The following TUBGCP5 variants were observed in gnomAD, a reference collection of about 807,000 sequenced individuals.
The protein encoded by TUBGCP5 is tubulin gamma complex component 5.
In TUBGCP5, 98 loss-of-function variants were observed where a neutral mutation model predicts 134.7. The ratio of observed to expected loss-of-function variants is 0.73; its 90% CI spans 0.62 to 0.86. TUBGCP5 has a LOEUF of 0.86. Ranked by LOEUF, TUBGCP5 falls within the 40% of genes least tolerant of loss-of-function variation. TUBGCP5 has a pLI of 0.00. For missense variants in TUBGCP5, 1,150 were observed against 1,244.8 expected (o/e 0.92, Z 1.15); for synonymous variants, 456 against 431.4 (o/e 1.06, Z -0.71).
chr15:23,026,120 G>C lies in TUBGCP5; in HGVS notation c.823C>G (p.Leu275Val), dbSNP rs1238603479. The change falls in exon 8 of 23, where the codon CTA becomes GTA. Residue 275 changes from leucine (L) to valine (V), a missense_variant. Physicochemically the swap from Leu to Val is conservative, Grantham distance 32 (BLOSUM62 1). Coordinates refer to ENST00000615383, the MANE Select transcript of TUBGCP5 (RefSeq NM_052903.6). ...AATTAAATGAACATTTCTTACCATAGGGTTTCCCGAATAACCTGAGTCTCA... is the reference window on the plus strand; with the variant it reads ...AATTAAATGAACATTTCTTACCATACGGTTTCCCGAATAACCTGAGTCTCA... The part of the protein sequence containing the change: ...VTETQVIRET[L>V]WLLSGVKKLF... 1.9e-6 allele frequency: 3 copies of C among 1,605,932 alleles called. No individual in the cohort carries two copies. Among genetic ancestry groups the C allele is most frequent in the African/African-American group, 2.7e-5 (2 of 74,444 alleles).
intron 21 of TUBGCP5, among the ~76,000 whole-genome samples, chr15:23,000,919 G>A (rs959333021): frequency 3.3e-5 from 5 of 152,080 alleles, no homozygotes; most frequent in African/African-American, 1.2e-4. Flanking sequence ...CTGGAACTAG[G>A]AGGACCAAAG....
chr15:23,032,431 A>T (rs1555445310), intron 4 of TUBGCP5, among the ~76,000 whole-genome samples: 4 of 152,158 alleles, frequency 2.6e-5, no homozygotes, highest in Non-Finnish European at 5.9e-5. Context: ...ATATCATGTA[A>T]ATGCTATGTA....
At chr15:23,037,976 G>A (rs2066693625) in intron 1 of TUBGCP5, among the ~76,000 whole-genome samples, 1 of 152,168 alleles carries the variant, frequency 6.6e-6, no homozygotes, top group Non-Finnish European at 1.5e-5. Flanking sequence ...GTGTTAGCCA[G>A]GATAGTCTCG....
chr15:23,038,996 G>A (rs756103393), intron 1 of TUBGCP5, among the ~76,000 whole-genome samples: 3 of 151,842 alleles, frequency 2.0e-5, no homozygotes, highest in Non-Finnish European at 4.4e-5. Context: ...GGCTGACCAG[G>A]GAGCAGGAGT....
At chr15:23,003,959 ATTTG>A in intron 20 of TUBGCP5, 139 bp downstream of exon 20, 1 of 1,115,462 alleles carries the variant, frequency 9.0e-7, no homozygotes, top group Non-Finnish European at 1.2e-6. Context: ...GGCCTGGGGC[ATTTG>A]TTTGTAACCT....
downstream of TUBGCP5, among the ~76,000 whole-genome samples, chr15:22,998,165 A>G (rs1324599114): frequency 6.6e-6 from 1 of 151,848 alleles, no homozygotes; most frequent in African/African-American, 2.4e-5. Context: ...AAATACAAAA[A>G]TTAGCTGGGC....
intron 22 of TUBGCP5, 67 bp from the exon 23 acceptor site, chr15:22,999,933 G>A (rs2064272937): frequency 6.9e-7 from 1 of 1,450,816 alleles, no homozygotes; most frequent in Admixed American, 1.7e-5. Flanking sequence ...TTTTTTTGAA[G>A]ACGGAGTCCC....
chr15:23,018,837 T>C (rs2065490441), intron 12 of TUBGCP5, among the ~76,000 whole-genome samples: 1 of 152,144 alleles, frequency 6.6e-6, no homozygotes, highest in Non-Finnish European at 1.5e-5. Context: ...ATAAATATAT[T>C]AGAGGCATAC....
At position 23,031,803 on chromosome 15, in the gene TUBGCP5, A is replaced by G. The variant is rs548386786; in HGVS notation, c.486+147T>C. 8 of 502,444 alleles carry G rather than the reference A, an allele frequency of 1.6e-5. 1 individual carries two copies. The South Asian group carries it at 3.7e-4, about 23-fold the overall frequency. The allele number at this position is 502,444 out of a possible 1,614,324, so 31.1% of individuals were successfully genotyped here. Reference sequence around the variant, plus strand: ...CACTAATGATTTGGTGCGAAATCCTAATCAGTCTTCCATAATAAATGACTC... The same window carrying G: ...CACTAATGATTTGGTGCGAAATCCTGATCAGTCTTCCATAATAAATGACTC... On this transcript the variant is annotated intron_variant, in intron 5 of 22. Coordinates refer to ENST00000615383, the MANE Select transcript of TUBGCP5 (RefSeq NM_052903.6).
chr15:23,010,427 C>T (rs1345553421), intron 14 of TUBGCP5, among the ~76,000 whole-genome samples: 1 of 152,156 alleles, frequency 6.6e-6, no homozygotes, highest in African/African-American at 2.4e-5. Context: ...CTCTAATGGA[C>T]TAAGTGCCTA....
intron 3 of TUBGCP5, among the ~76,000 whole-genome samples, chr15:23,035,237 G>C (rs981040331): frequency 6.6e-6 from 1 of 150,962 alleles, no homozygotes; most frequent in Non-Finnish European, 1.5e-5. Context: ...GCTGAGGCAG[G>C]AGAATCACTT....
intron 23 of TUBGCP5, among the ~76,000 whole-genome samples, chr15:22,985,897 G>T (rs2063662549): frequency 6.6e-6 from 1 of 151,432 alleles, no homozygotes; most frequent in Non-Finnish European, 1.5e-5. Flanking sequence ...ACTTTGGAAG[G>T]CCGAGATGGG....
chr15:23,001,591 C>T (rs2064381453), intron 21 of TUBGCP5, among the ~76,000 whole-genome samples: 1 of 152,080 alleles, frequency 6.6e-6, no homozygotes, highest in Non-Finnish European at 1.5e-5. Flanking sequence ...GATCCGCCCA[C>T]CTCAGCCTCT....
chr15:23,016,986 A>ATATATATATATATATGTG (rs373904143), intron 13 of TUBGCP5, among the ~76,000 whole-genome samples: 1 of 138,288 alleles, frequency 7.2e-6, no homozygotes, highest in Admixed American at 7.0e-5. Flanking sequence ...ATATATATAT[A>ATATATATATATATATGTG]TGTATATATC....
At chr15:23,005,970 T>G in intron 18 of TUBGCP5, 82 bp downstream of exon 18, 1 of 1,404,130 alleles carries the variant, frequency 7.1e-7, no homozygotes. Context: ...GATCCCCGTA[T>G]GCTTCCCTTT....
intron 3 of TUBGCP5, among the ~76,000 whole-genome samples, chr15:23,035,947 AG>A (rs2066564797): frequency 6.6e-6 from 1 of 152,222 alleles, no homozygotes; most frequent in Non-Finnish European, 1.5e-5. Context: ...GAGACAAGAA[AG>A]GAACTATAAA....
rs541592830 is a variant in TUBGCP5 at position 23,036,240 on chromosome 15, G to A, written c.309+657C>T. Among the ~76,000 whole-genome samples, 56 of 152,256 alleles carry A rather than the reference G, an allele frequency of 3.7e-4. No homozygotes were observed. In the South Asian group the frequency reaches 5.2e-3, roughly 14 times the overall value. On this transcript the variant is annotated intron_variant, in intron 3 of 22. Transcript: ENST00000615383. Reference sequence around the variant, plus strand: ...CCCCAATAAAAATGCTGGTCACCAAGGCTCAGCCGAGTGGCCCTGGGGGGA... The same window carrying A: ...CCCCAATAAAAATGCTGGTCACCAAAGCTCAGCCGAGTGGCCCTGGGGGGA...
At chr15:23,011,056 G>A (rs901415581) in intron 14 of TUBGCP5, 77 bp downstream of exon 14, 2 of 1,457,746 alleles carry the variant, frequency 1.4e-6, no homozygotes, top group East Asian at 2.3e-5. Flanking sequence ...AGCCCTACCT[G>A]CCAGAAATAA....
At chr15:23,003,363 G>A (rs988396328) in intron 20 of TUBGCP5, among the ~76,000 whole-genome samples, 8 of 152,192 alleles carry the variant, frequency 5.3e-5, no homozygotes, top group Non-Finnish European at 1.0e-4. Flanking sequence ...GATATTAGCA[G>A]TACAGTCAAA....
Sources: allele counts gnomAD v4.1 joint callset (sites outside exome capture counted in the v4.1 genomes callset), GRCh38; gene constraint gnomAD v4.1.1; transcripts MANE v1.5; gene names NCBI Gene and HGNC (gene_info 2026-07-23, HGNC 2026-07-21).